Variants in ABCA12 observed in about 807,000 individuals in gnomAD.
ABCA12 encodes glucosylceramide transporter ABCA12.
Under a neutral mutation model 293.5 loss-of-function variants are expected in ABCA12, and 156 were observed. The ratio of observed to expected loss-of-function variants is 0.53; its 90% CI spans 0.47 to 0.61. The LOEUF (loss-of-function observed/expected upper bound fraction) is 0.61, where lower values mean the gene tolerates loss of function less well. Among genes scored for constraint, ABCA12 ranks in the 20% least tolerant of loss-of-function variants. The pLI is 0.00. For synonymous variants in ABCA12, 1,063 were observed against 1,108.0 expected (o/e 0.96, Z 0.81); for missense variants, 2,797 against 3,090.2 (o/e 0.91, Z 2.25).
chr2:215,008,289 C>T (rs898054195), intron 18 of ABCA12, among the ~76,000 whole-genome samples: 59 of 152,136 alleles, frequency 3.9e-4, no homozygotes, highest in African/African-American at 1.2e-3. Context: ...ATGCAATATC[C>T]TTCAACCCCT....
intron 14 of ABCA12, among the ~76,000 whole-genome samples, chr2:215,016,582 CAAAAAAAAAAA>C (rs71041981): frequency 0.027 from 806 of 29,926 alleles, 14 homozygotes; most frequent in East Asian, 0.16. Context: ...GACTCTGTCT[CAAAAAAAAAAA>C]AAAAAAAAAA....
At chr2:214,982,935 A>G (rs1288282568) in intron 29 of ABCA12, among the ~76,000 whole-genome samples, 1 of 152,192 alleles carries the variant, frequency 6.6e-6, no homozygotes, top group Non-Finnish European at 1.5e-5. Flanking sequence ...AATTTTATAT[A>G]TGGTAGTCAT....
At chr2:214,959,163 C>T in intron 39 of ABCA12, 85 bp from the exon 40 acceptor site, 1 of 1,149,676 alleles carries the variant, frequency 8.7e-7, no homozygotes, top group Non-Finnish European at 1.3e-6. Context: ...TCAACACTTT[C>T]CTCCTTATAT....
At chr2:215,105,584 C>A (rs181110088) in intron 2 of ABCA12, among the ~76,000 whole-genome samples, 1 of 136,834 alleles carries the variant, frequency 7.3e-6, no homozygotes, top group African/African-American at 3.4e-5. Context: ...TCAAGACACA[C>A]ACACACACAC....
chr2:215,000,862 G>T lies in ABCA12; in HGVS notation c.3022C>A (p.His1008Asn). ...ATCTGGTTGTGTGATGGAGAATTGT[G>T]TGGCCCTGGAGCCCAAATCTTGGTT... ...LRTKIWAPGPHNSPSHNQIYG... is the reference protein window; with the variant it reads ...LRTKIWAPGPNNSPSHNQIYG... The change falls in exon 22 of 53, where the codon CAC (histidine) becomes AAC (asparagine). Residue 1008 changes from histidine to asparagine, a missense_variant. Physicochemically the swap from His to Asn is moderately conservative, Grantham distance 68. This residue lies in a region of ABCA12 where 2,130 missense variants were observed against 2,427.0 expected (regional missense o/e 0.88). Transcript: ENST00000272895. 1 of 1,614,162 alleles carries T rather than the reference G, an allele frequency of 6.2e-7. No individual in the cohort carries two copies. The highest frequency in any genetic ancestry group is 8.5e-7 in the Non-Finnish European group (1 of 1,180,014).
intron 15 of ABCA12, among the ~76,000 whole-genome samples, chr2:215,013,908 C>T (rs1429092054): frequency 6.6e-6 from 1 of 152,138 alleles, no homozygotes; most frequent in Non-Finnish European, 1.5e-5. Context: ...GGGCGAAGCA[C>T]GATGGCTCAC....
intron 50 of ABCA12, among the ~76,000 whole-genome samples, chr2:214,940,319 T>A (rs1698355384): frequency 6.6e-6 from 1 of 152,212 alleles, no homozygotes. Context: ...GAAGCCGACT[T>A]GATCATGGTG....
Position 215,001,745 on chromosome 2 carries a change from G to C in ABCA12, c.2684-8C>G. 6.2e-7 allele frequency: 1 copy of C among 1,611,854 alleles called. No individual in the cohort carries two copies. Among genetic ancestry groups the C allele is most frequent in the Non-Finnish European group, 8.5e-7 (1 of 1,179,110 alleles). ...ATTTCAGTCTTAGAATATCTAAAGA[G>C]GCAAAGCAAAAGAGACAAAAAAAAA... On this transcript the variant is annotated splice_polypyrimidine_tract_variant and splice_region_variant and intron_variant, in intron 20 of 52. Transcript: ENST00000272895.
chr2:215,035,288 A>G lies in ABCA12; in HGVS notation c.985+1665T>C, dbSNP rs557902081. ...CAGTGCAGGAAATTTAAAAAGAAAC[A>G]AAAGGTAAGTGTATCAAATTTTATG... On this transcript the variant is annotated intron_variant, in intron 8 of 52. Transcript: ENST00000272895. Among the ~76,000 whole-genome samples the G allele has an allele frequency of 2.0e-5, 3 of 152,358 alleles. No homozygotes were observed. In the South Asian group the frequency reaches 6.2e-4, roughly 32 times the overall value.
At chr2:215,009,653 C>G (rs1391717265) in intron 18 of ABCA12, among the ~76,000 whole-genome samples, 1 of 152,108 alleles carries the variant, frequency 6.6e-6, no homozygotes, top group African/African-American at 2.4e-5. Context: ...GTCCATTATT[C>G]TGTAGCATAT....
rs987919038 is a variant in ABCA12, at chr2:214,957,197, G to C, written c.6118-419C>G. Among the ~76,000 whole-genome samples the C allele has an allele frequency of 2.6e-5, 4 of 152,328 alleles. No homozygotes were observed. In the East Asian group the frequency reaches 7.7e-4, roughly 29 times the overall value. ...TGATTTCTAAAGCTTGGTTATCAGT[G>C]TGAACCACTCTGTGCAAAGCAGCAG... is the stretch of plus-strand genomic sequence containing the variant. On this transcript the variant is annotated intron_variant, in intron 41 of 52. Coordinates refer to ENST00000272895, the MANE Select transcript of ABCA12 (RefSeq NM_173076.3).
intron 3 of ABCA12, among the ~76,000 whole-genome samples, chr2:215,063,116 A>G (rs1222206938): frequency 6.6e-6 from 1 of 151,952 alleles, no homozygotes; most frequent in Non-Finnish European, 1.5e-5. Context: ...CATCCCAGCA[A>G]TTAGGGGTCC....
intron 21 of ABCA12, 59 bp from the exon 22 acceptor site, chr2:215,001,079 G>T: frequency 6.5e-7 from 1 of 1,541,146 alleles, no homozygotes. Flanking sequence ...GTTATTCATT[G>T]TTTGGAGAGT....
intron 3 of ABCA12, among the ~76,000 whole-genome samples, chr2:215,056,985 G>A (rs996075799): frequency 6.6e-6 from 1 of 151,940 alleles, no homozygotes; most frequent in Admixed American, 6.6e-5. Flanking sequence ...ATATCTATCT[G>A]TACCTATTCC....
chr2:215,134,320 ATG>A (rs1703133075), intron 1 of ABCA12, among the ~76,000 whole-genome samples: 3 of 147,114 alleles, frequency 2.0e-5, no homozygotes, highest in African/African-American at 7.4e-5. Context: ...ATGTGTATAT[ATG>A]TATATATGTA....
chr2:214,978,253 T>G, intron 33 of ABCA12, 63 bp downstream of exon 33: 1 of 1,589,530 alleles, frequency 6.3e-7, no homozygotes, highest in Non-Finnish European at 8.6e-7. Context: ...AAAGTCTGTC[T>G]GTGATTTTTC....
In ABCA12 at chr2:215,011,658, C is replaced by T. The variant is rs1700376900; in HGVS notation, c.2122-9G>A. The T allele has an allele frequency of 5.0e-6, 8 of 1,613,072 alleles. No homozygotes were observed. The highest frequency in any genetic ancestry group is 1.1e-5 in the South Asian group (1 of 91,052). On this transcript the variant is annotated splice_polypyrimidine_tract_variant and intron_variant, in intron 16 of 52. Coordinates refer to ENST00000272895, the MANE Select transcript of ABCA12 (RefSeq NM_173076.3). Reference sequence around the variant, plus strand: ...TTGCTTCTGTACATTGCCTGTGAGACAAAAATCCACAATTTATTGACACTA... The same window carrying T: ...TTGCTTCTGTACATTGCCTGTGAGATAAAAATCCACAATTTATTGACACTA...
chr2:214,983,530 G>A, intron 29 of ABCA12, 117 bp downstream of exon 29: 1 of 940,692 alleles, frequency 1.1e-6, no homozygotes, highest in Non-Finnish European at 1.7e-6. Context: ...AAACTAAAAA[G>A]TAATTATTTC....
rs1700847212 is a variant in ABCA12, at chr2:215,030,409, A to G, written c.1061+1412T>C. On this transcript the variant is annotated intron_variant, in intron 9 of 52. Transcript: ENST00000272895. ...GGAGACCGAGACCATCCCGGCTAAC[A>G]TGGTGAAACCCCGTCTCTACTAACA... Among the ~76,000 whole-genome samples the G allele has an allele frequency of 2.0e-5, 3 of 151,182 alleles. No homozygotes were observed. The South Asian group carries it at 6.3e-4, about 32-fold the overall frequency.
Sources: allele counts gnomAD v4.1 joint callset (sites outside exome capture counted in the v4.1 genomes callset), GRCh38; gene constraint gnomAD v4.1.1; regional missense constraint gnomAD v4.1.1; transcripts MANE v1.5; gene names NCBI Gene and HGNC (gene_info 2026-07-23, HGNC 2026-07-21).